PTPRD: variants seen among roughly 807,000 people sequenced by gnomAD.
The protein encoded by PTPRD is protein tyrosine phosphatase receptor type D, also known as receptor-type tyrosine-protein phosphatase delta.
In PTPRD, 34 loss-of-function variants were observed where a neutral mutation model predicts 214.5. The observed-to-expected ratio is 0.16, with a 90% CI of 0.12 to 0.21. The LOEUF (loss-of-function observed/expected upper bound fraction) is 0.21. Ranked by LOEUF, PTPRD falls within the 10% of genes least tolerant of loss-of-function variation. The pLI is 1.00. For synonymous variants in PTPRD, 1,128 were observed against 845.7 expected (o/e 1.33, Z -5.79); for missense variants, 2,545 against 2,398.7 (o/e 1.06, Z -1.27).
intron 3 of PTPRD, among the ~76,000 whole-genome samples, chr9:10,338,461 T>C (rs1218130885): frequency 1.3e-5 from 2 of 151,798 alleles, no homozygotes; most frequent in East Asian, 3.9e-4. Context: ...CAACAAATAA[T>C]TTTTTGTGTG....
rs10977975 is a variant in PTPRD, at chr9:9,781,363, A to G, written c.-367-14512T>C. On this transcript the variant is annotated intron_variant, in intron 5 of 45. Coordinates refer to ENST00000381196, the MANE Select transcript of PTPRD (RefSeq NM_002839.4). Reference sequence around the variant, plus strand: ...GTAATTTAAAATAATTTAATAGTATATATGATTTTATAAACATTCGATAAA... The same window carrying G: ...GTAATTTAAAATAATTTAATAGTATGTATGATTTTATAAACATTCGATAAA... 5.3e-5 allele frequency among the ~76,000 whole-genome samples: 8 copies of G among 152,354 alleles called. No individual in the cohort carries two copies. In the East Asian group the frequency reaches 1.5e-3, roughly 29 times the overall value.
At chr9:9,193,442 A>T (rs1471328824) in intron 9 of PTPRD, among the ~76,000 whole-genome samples, 1 of 152,254 alleles carries the variant, frequency 6.6e-6, no homozygotes, top group African/African-American at 2.4e-5. Flanking sequence ...ATAGGAATAC[A>T]TTCTGAGAAA....
chr9:8,399,392 A>C (rs541524274), intron 36 of PTPRD, among the ~76,000 whole-genome samples: 25 of 152,236 alleles, frequency 1.6e-4, no homozygotes, highest in African/African-American at 5.5e-4. Flanking sequence ...GTGGGGTTTA[A>C]ATGTTCGTGA....
chr9:10,425,932 GTATA>G (rs932571116), intron 2 of PTPRD, among the ~76,000 whole-genome samples: 1 of 151,536 alleles, frequency 6.6e-6, no homozygotes, highest in African/African-American at 2.4e-5. Flanking sequence ...TTTGTAGATC[GTATA>G]TAGACAATAT....
intron 5 of PTPRD, among the ~76,000 whole-genome samples, chr9:9,845,108 A>C (rs1426903232): frequency 2.2e-5 from 2 of 89,492 alleles, no homozygotes; most frequent in Admixed American, 1.5e-4. Context: ...ATATACTGCT[A>C]TATATATTGC....
At chr9:10,366,382 T>A (rs1478375572) in intron 2 of PTPRD, among the ~76,000 whole-genome samples, 4 of 152,218 alleles carry the variant, frequency 2.6e-5, no homozygotes, top group African/African-American at 9.6e-5. Flanking sequence ...TAGATGGTGA[T>A]GCTGCTCTGG....
At chr9:9,617,737 T>C (rs899618637) in intron 7 of PTPRD, among the ~76,000 whole-genome samples, 2 of 151,906 alleles carry the variant, frequency 1.3e-5, no homozygotes, top group African/African-American at 4.8e-5. Context: ...CTCTAAGCCT[T>C]GGAAGGATGT....
At chr9:9,618,004 G>A (rs2094991066) in intron 7 of PTPRD, among the ~76,000 whole-genome samples, 1 of 145,606 alleles carries the variant, frequency 6.9e-6, no homozygotes, top group East Asian at 2.0e-4. Flanking sequence ...CCCGGGAGGC[G>A]GAGCTTGCAG....
chr9:10,574,682 C>T (rs994766867), intron 2 of PTPRD, among the ~76,000 whole-genome samples: 5 of 151,656 alleles, frequency 3.3e-5, no homozygotes, highest in African/African-American at 9.7e-5. Flanking sequence ...ATTATATGAT[C>T]TAAGAAAGTA....
At chr9:8,641,176 G>A (rs2096568419) in intron 12 of PTPRD, among the ~76,000 whole-genome samples, 1 of 148,424 alleles carries the variant, frequency 6.7e-6, no homozygotes, top group South Asian at 2.1e-4. Flanking sequence ...AGAAAGGGAA[G>A]AGAATTCAAG....
At chr9:10,431,350 A>G (rs531595581) in intron 2 of PTPRD, among the ~76,000 whole-genome samples, 4 of 152,170 alleles carry the variant, frequency 2.6e-5, no homozygotes, top group Non-Finnish European at 5.9e-5. Context: ...AAACCTAGGC[A>G]TTACCATTCA....
chr9:9,717,627 G>A (rs939895880), intron 7 of PTPRD, among the ~76,000 whole-genome samples: 1 of 152,134 alleles, frequency 6.6e-6, no homozygotes, highest in African/African-American at 2.4e-5. Flanking sequence ...GATGTCTTAT[G>A]ATTTCAGGGG....
At chr9:8,356,096 CAA>C (rs2076933472) in intron 39 of PTPRD, among the ~76,000 whole-genome samples, 1 of 151,980 alleles carries the variant, frequency 6.6e-6, no homozygotes, top group South Asian at 2.1e-4. Flanking sequence ...TTCAAAAACG[CAA>C]AGTTTGCTTT....
chr9:8,433,970 G>A lies in PTPRD; in HGVS notation c.4086+2622C>T, dbSNP rs111464149. On this transcript the variant is annotated intron_variant, in intron 35 of 45. Transcript: ENST00000381196. ...TTCATGCTAAGTGTCCTACATAGGG[G>A]CACCATTTGTTTGTTTGCTTGTTTG... Among the ~76,000 whole-genome samples, 1,154 of 150,816 alleles carry A rather than the reference G, an allele frequency of 7.7e-3. 16 individuals are homozygous for A. The highest frequency in any genetic ancestry group is 0.027 in the African/African-American group (1,090 of 40,442).
chr9:8,925,797 A>G (rs991381376), intron 11 of PTPRD, among the ~76,000 whole-genome samples: 3 of 151,060 alleles, frequency 2.0e-5, no homozygotes, highest in Non-Finnish European at 4.4e-5. Context: ...GAACTGCTGT[A>G]ATTAGTTCAA....
At chr9:10,102,976 C>T (rs1013157783) in intron 3 of PTPRD, among the ~76,000 whole-genome samples, 4 of 151,610 alleles carry the variant, frequency 2.6e-5, no homozygotes, top group African/African-American at 9.7e-5. Flanking sequence ...TTCTTCAAAA[C>T]ACACACTTTA....
rs78036405 is a variant in PTPRD, at chr9:9,448,726, G to C, written c.-236-51244C>G. On this transcript the variant is annotated intron_variant, in intron 8 of 45. Coordinates refer to ENST00000381196, the MANE Select transcript of PTPRD (RefSeq NM_002839.4). ...CATGATATTTAATGGAGTCCTTTAA[G>C]ACCAGGTCAGCCTACATTCTTGGTG... 9.6e-3 allele frequency among the ~76,000 whole-genome samples: 1,462 copies of C among 152,106 alleles called. 27 individuals are homozygous for C. The highest frequency in any genetic ancestry group is 0.034 in the African/African-American group (1,412 of 41,492).
chr9:8,934,464 A>AAAATGT (rs1296853296), intron 11 of PTPRD, among the ~76,000 whole-genome samples: 2 of 11,090 alleles, frequency 1.8e-4, no homozygotes, highest in Non-Finnish European at 3.4e-4. Context: ...TATATATATA[A>AAAATGT]ATATATATAT....
intron 3 of PTPRD, among the ~76,000 whole-genome samples, chr9:10,067,151 C>A (rs2097902230): frequency 6.6e-6 from 1 of 151,794 alleles, no homozygotes; most frequent in Non-Finnish European, 1.5e-5. Flanking sequence ...CATTGTGAAT[C>A]ATATAAAACA....
Sources: gnomAD v4.1 joint callset for allele counts (sites outside exome capture counted in the v4.1 genomes callset) on GRCh38, gnomAD v4.1.1 for gene constraint, MANE v1.5 for transcripts, NCBI Gene and HGNC (gene_info 2026-07-23, HGNC 2026-07-21) for gene names.